Variants in KAT6B observed in about 807,000 individuals in gnomAD.
KAT6B encodes histone acetyltransferase KAT6B.
Under a neutral mutation model 187.5 loss-of-function variants are expected in KAT6B, and 10 were observed. The observed-to-expected ratio is 0.05, with a 90% CI of 0.03 to 0.09. The LOEUF is 0.09. Among genes scored for constraint, KAT6B ranks in the 10% least tolerant of loss-of-function variants. The probability of loss-of-function intolerance (pLI) is 1.00; values close to 1 mark genes in which losing one functional copy is unlikely to be tolerated. For missense variants in KAT6B, 1,952 were observed against 2,558.9 expected, an observed-to-expected ratio of 0.76 and a Z score of 5.12; for synonymous variants, 861 against 926.8, an observed-to-expected ratio of 0.93 and a Z score of 1.29.
intron 3 of KAT6B, among the ~76,000 whole-genome samples, chr10:74,920,408 T>C (rs895415460): frequency 2.6e-5 from 4 of 152,206 alleles, no homozygotes; most frequent in Non-Finnish European, 5.9e-5. Context: ...TAAAAGTGGC[T>C]CTGAGTGTTG....
intron 1 of KAT6B, among the ~76,000 whole-genome samples, chr10:74,831,434 A>G (rs570339296): frequency 9.3e-4 from 142 of 152,336 alleles, no homozygotes; most frequent in Middle Eastern, 3.4e-3. Context: ...CTATCTTTTT[A>G]AAGCTTTGTT....
At position 75,028,920 on chromosome 10, in the gene KAT6B, G is replaced by A. The variant is rs754348627; in HGVS notation, c.4096G>A (p.Glu1366Lys). ...GGAGGAGGAAGAGGAAGAAGAGGAA[G>A]AAGAGGAAGGGGAAGAAGAAGAAGG... ...EEEEEEEEEEEEEGEEEEGGG... is the reference protein window; with the variant it reads ...EEEEEEEEEEKEEGEEEEGGG... The change falls in exon 18 of 18, where the codon GAA becomes AAA. Residue 1366 changes from glutamate to lysine, a missense_variant. Glu to Lys is a moderately conservative substitution (Grantham distance 56). Transcript: ENST00000287239. 1.1e-5 allele frequency: 17 copies of A among 1,611,930 alleles called. No individual in the cohort carries two copies. The highest frequency in any genetic ancestry group is 8.5e-7 in the Non-Finnish European group (1 of 1,178,786).
At chr10:74,864,630 C>T (rs546569113) in intron 3 of KAT6B, among the ~76,000 whole-genome samples, 1 of 152,282 alleles carries the variant, frequency 6.6e-6, no homozygotes, top group East Asian at 1.9e-4. Context: ...CAACTTCCGC[C>T]TCCTGGGTTC....
intron 11 of KAT6B, 108 bp from the exon 12 acceptor site, chr10:74,984,972 G>A (rs1039446992): frequency 1.9e-6 from 2 of 1,040,134 alleles, no homozygotes; most frequent in African/African-American, 1.6e-5. Flanking sequence ...TCTCAGTTTA[G>A]GATTTGGAAA....
At chr10:74,828,543 T>G (rs1350767756) in intron 1 of KAT6B, among the ~76,000 whole-genome samples, 1 of 151,666 alleles carries the variant, frequency 6.6e-6, no homozygotes, top group Non-Finnish European at 1.5e-5. Flanking sequence ...ACACTCCATT[T>G]TTTTCTTACT....
chr10:74,940,956 T>C (rs1849630263), intron 3 of KAT6B, among the ~76,000 whole-genome samples: 1 of 152,284 alleles, frequency 6.6e-6, no homozygotes, highest in African/African-American at 2.4e-5. Flanking sequence ...TTCTTGAAGA[T>C]TGGTTACAAA....
At chr10:74,964,513 G>A (rs1841324046) in intron 4 of KAT6B, among the ~76,000 whole-genome samples, 1 of 151,964 alleles carries the variant, frequency 6.6e-6, no homozygotes, top group African/African-American at 2.4e-5. Context: ...TTCCCTAAAT[G>A]TTTCTTCAGA....
intron 4 of KAT6B, among the ~76,000 whole-genome samples, chr10:74,967,247 G>A (rs1003926378): frequency 1.7e-4 from 25 of 149,768 alleles, no homozygotes; most frequent in African/African-American, 3.9e-4. Flanking sequence ...GGAGAATGTC[G>A]TGAACCTGGG....
intron 13 of KAT6B, among the ~76,000 whole-genome samples, chr10:74,995,331 T>C (rs72803439): frequency 0.086 from 13,129 of 152,272 alleles, 1,265 homozygotes; most frequent in African/African-American, 0.24. Flanking sequence ...ACAATTAGGC[T>C]TATTTGTTTC....
chr10:75,017,555 A>G (rs1845069233), intron 13 of KAT6B, among the ~76,000 whole-genome samples: 1 of 152,200 alleles, frequency 6.6e-6, no homozygotes. Context: ...CGGAGGTTGC[A>G]TCGAGCCCAT....
At chr10:74,920,850 A>G (rs1050385253) in intron 3 of KAT6B, among the ~76,000 whole-genome samples, 1 of 152,118 alleles carries the variant, frequency 6.6e-6, no homozygotes, top group African/African-American at 2.4e-5. Context: ...CTGCTGTTCC[A>G]TCCCAAGGTG....
chr10:75,000,165 CTG>C (rs1843730030), intron 13 of KAT6B, among the ~76,000 whole-genome samples: 1 of 151,534 alleles, frequency 6.6e-6, no homozygotes, highest in South Asian at 2.1e-4. Context: ...GAGCAAGACT[CTG>C]TCTTTTTTTT....
intron 3 of KAT6B, among the ~76,000 whole-genome samples, chr10:74,930,097 A>AT (rs1848768526): frequency 6.6e-6 from 1 of 151,278 alleles, no homozygotes; most frequent in Non-Finnish European, 1.5e-5. Context: ...TTTTTTTTGT[A>AT]TTTTTAGTAG....
chr10:74,931,232 G>A (rs1463050615), intron 3 of KAT6B, among the ~76,000 whole-genome samples: 1 of 152,110 alleles, frequency 6.6e-6, no homozygotes, highest in Non-Finnish European at 1.5e-5. Context: ...CCAACTGAAA[G>A]GCCTCCTTTC....
intron 3 of KAT6B, among the ~76,000 whole-genome samples, chr10:74,894,132 G>A (rs1845826855): frequency 6.6e-6 from 1 of 152,102 alleles, no homozygotes; most frequent in Non-Finnish European, 1.5e-5. Context: ...GCCCAGGCTG[G>A]AGTGCAATGG....
chr10:74,863,349 A>G (rs1441223573), intron 3 of KAT6B, among the ~76,000 whole-genome samples: 4 of 152,198 alleles, frequency 2.6e-5, no homozygotes, highest in African/African-American at 9.6e-5. Flanking sequence ...AAATAGCTGC[A>G]TAGTATTTAT....
rs1280985616 is a variant in KAT6B, at chr10:74,979,200, T to C, written c.2116-24T>C. ...GTAAGTGAAGTATATATATTATTAT[T>C]TTCCTTTTCTTTCTATTTGACAGAA... On this transcript the variant is annotated intron_variant, in intron 9 of 17. Coordinates refer to ENST00000287239, the MANE Select transcript of KAT6B (RefSeq NM_012330.4). The C allele has an allele frequency of 2.0e-6, 3 of 1,511,468 alleles. No individual in the cohort carries two copies. The East Asian group carries it at 6.8e-5, about 34-fold the overall frequency. The allele number at this position is 1,511,468 out of a possible 1,614,324, so 93.6% of individuals were successfully genotyped here.
At chr10:75,020,854 C>A in intron 14 of KAT6B, 41 bp downstream of exon 14, 1 of 1,535,412 alleles carries the variant, frequency 6.5e-7, no homozygotes, top group South Asian at 1.1e-5. Flanking sequence ...GCTCAGGCAT[C>A]CCACACCAGA....
intron 3 of KAT6B, among the ~76,000 whole-genome samples, chr10:74,928,731 T>C (rs996071593): frequency 1.1e-4 from 17 of 152,212 alleles, no homozygotes; most frequent in Admixed American, 2.0e-4. Flanking sequence ...AACCCTTTTC[T>C]TGAAAAATTA....
Sources: gnomAD v4.1 joint callset for allele counts (sites outside exome capture counted in the v4.1 genomes callset) on GRCh38, gnomAD v4.1.1 for gene constraint, MANE v1.5 for transcripts, NCBI Gene and HGNC (gene_info 2026-07-23, HGNC 2026-07-21) for gene names.